The following GMDS variants were observed in gnomAD, a reference collection of about 807,000 sequenced individuals.
The protein encoded by GMDS is GDP-mannose 4,6 dehydratase.
GMDS carries 20 observed loss-of-function variants against 49.9 expected under a neutral mutation model. The ratio of observed to expected loss-of-function variants is 0.40; its 90% CI spans 0.28 to 0.58. The LOEUF is 0.58. Ranked by LOEUF, GMDS falls within the 20% of genes least tolerant of loss-of-function variation. The pLI is 0.42. For synonymous variants in GMDS, 177 were observed against 178.6 expected (o/e 0.99, Z 0.07); for missense variants, 362 against 481.4 (o/e 0.75, Z 2.32).
At chr6:1,950,838 A>G (rs922104266) in intron 6 of GMDS, among the ~76,000 whole-genome samples, 5 of 152,040 alleles carry the variant, frequency 3.3e-5, no homozygotes, top group African/African-American at 9.7e-5. Flanking sequence ...ACCATGAACC[A>G]TCTGGACAGG....
At chr6:2,238,314 T>C (rs1781462556) in intron 1 of GMDS, among the ~76,000 whole-genome samples, 1 of 151,904 alleles carries the variant, frequency 6.6e-6, no homozygotes, top group African/African-American at 2.4e-5. Flanking sequence ...GCCCAGGAGT[T>C]CAAAGCTGCA....
chr6:2,086,080 C>T (rs1199153403), intron 4 of GMDS, among the ~76,000 whole-genome samples: 1 of 152,214 alleles, frequency 6.6e-6, no homozygotes, highest in Non-Finnish European at 1.5e-5. Context: ...GTTGCTCTCA[C>T]TCACTGGTTT....
chr6:1,899,401 C>G (rs1472756785), intron 7 of GMDS, among the ~76,000 whole-genome samples: 1 of 152,012 alleles, frequency 6.6e-6, no homozygotes, highest in Non-Finnish European at 1.5e-5. Context: ...CCCCACGCGT[C>G]CTGGCTAAGG....
chr6:1,913,647 G>A (rs1761197906), intron 7 of GMDS, among the ~76,000 whole-genome samples: 1 of 152,174 alleles, frequency 6.6e-6, no homozygotes, highest in African/African-American at 2.4e-5. Flanking sequence ...AGACTTGAAA[G>A]AAGCCCATAG....
intron 6 of GMDS, among the ~76,000 whole-genome samples, chr6:1,946,656 A>G (rs1472446652): frequency 6.6e-6 from 1 of 152,210 alleles, no homozygotes; most frequent in Non-Finnish European, 1.5e-5. Context: ...AGCCAAAGAA[A>G]GGGGGATATG....
intron 9 of GMDS, among the ~76,000 whole-genome samples, chr6:1,660,564 GA>G (rs1473440772): frequency 2.6e-5 from 4 of 151,066 alleles, no homozygotes; most frequent in African/African-American, 9.8e-5. Context: ...AGGAGAAAAT[GA>G]AAACATGTGT....
At chr6:1,771,145 T>G (rs1768562876) in intron 7 of GMDS, among the ~76,000 whole-genome samples, 2 of 152,232 alleles carry the variant, frequency 1.3e-5, no homozygotes, top group African/African-American at 2.4e-5. Context: ...AATATTCTTT[T>G]GGAGTGAAGC....
intron 7 of GMDS, among the ~76,000 whole-genome samples, chr6:1,878,058 C>A (rs140285551): frequency 0.01 from 1,529 of 152,160 alleles, 10 homozygotes; most frequent in Non-Finnish European, 0.017. Flanking sequence ...TCACGCCTGT[C>A]ATCCCAGCAC....
rs148265998 is a variant in GMDS, at chr6:1,667,817, G to GAA, written c.988-43279_988-43278dup. On this transcript the variant is annotated intron_variant, in intron 9 of 10. Transcript: ENST00000380815. ...GTGGCCATTCCAATTTTTTTTAAATGAAAAAAAATGTGCCCCACTTATCAG... is the reference window on the plus strand; with the variant it reads ...GTGGCCATTCCAATTTTTTTTAAATGAAAAAAAAAATGTGCCCCACTTATCAG... Among the ~76,000 whole-genome samples the GAA allele has an allele frequency of 3.1e-4, 46 of 149,558 alleles. No homozygotes were observed. The East Asian group carries it at 4.1e-3, about 13-fold the overall frequency.
Position 1,891,959 on chromosome 6 carries a change from T to TAA in GMDS, c.771+38143_771+38144insTT, listed in dbSNP as rs564469415. ...CCATCGACTGTAAACATTCAGTAGT[T>TAA]ACGCCATATAAATTGTTAGGATCCA... On this transcript the variant is annotated intron_variant, in intron 7 of 10. Transcript: ENST00000380815. 4.2e-3 allele frequency among the ~76,000 whole-genome samples: 646 copies of TAA among 152,336 alleles called. 1 individual carries two copies. Among genetic ancestry groups the TAA allele is most frequent in the Non-Finnish European group, 5.9e-3 (399 of 68,030 alleles).
chr6:2,075,823 G>T (rs887771639), intron 4 of GMDS, among the ~76,000 whole-genome samples: 1 of 152,148 alleles, frequency 6.6e-6, no homozygotes, highest in African/African-American at 2.4e-5. Context: ...ATCCCTGAGG[G>T]ATCGCCACAC....
chr6:2,153,657 T>A (rs891784371), intron 1 of GMDS, among the ~76,000 whole-genome samples: 5 of 152,280 alleles, frequency 3.3e-5, no homozygotes, highest in African/African-American at 1.2e-4. Flanking sequence ...ATTGTTCACC[T>A]ATTGAACTGA....
At chr6:1,691,356 C>CG (rs1278096522) in intron 9 of GMDS, among the ~76,000 whole-genome samples, 2 of 144,378 alleles carry the variant, frequency 1.4e-5, no homozygotes, top group African/African-American at 2.5e-5. Flanking sequence ...GGGCCTGTTG[C>CG]GGGGGGTGTG....
intron 7 of GMDS, among the ~76,000 whole-genome samples, chr6:1,899,851 C>A (rs980884784): frequency 6.6e-6 from 1 of 150,518 alleles, no homozygotes; most frequent in Non-Finnish European, 1.5e-5. Flanking sequence ...CATCTGCCTA[C>A]ACACTAAAGA....
In GMDS at chr6:1,906,235, T is replaced by G. The variant is rs569393426; in HGVS notation, c.771+23868A>C. On this transcript the variant is annotated intron_variant, in intron 7 of 10. Coordinates refer to ENST00000380815, the MANE Select transcript of GMDS (RefSeq NM_001500.4). Reference sequence around the variant, plus strand: ...ATATAAGCCATCCTACATATGCATATAAGCCATTCTGTGGGTGGTCAGTTC... The same window carrying G: ...ATATAAGCCATCCTACATATGCATAGAAGCCATTCTGTGGGTGGTCAGTTC... 2.6e-5 allele frequency among the ~76,000 whole-genome samples: 4 copies of G among 152,274 alleles called. No homozygotes were observed. The South Asian group carries it at 8.3e-4, about 32-fold the overall frequency.
chr6:1,860,545 T>C (rs1341067345), intron 7 of GMDS, among the ~76,000 whole-genome samples: 1 of 152,170 alleles, frequency 6.6e-6, no homozygotes, highest in Non-Finnish European at 1.5e-5. Context: ...ATGATGGTGG[T>C]AGTTACAGGC....
chr6:2,084,664 G>A (rs1258977490), intron 4 of GMDS, among the ~76,000 whole-genome samples: 3 of 151,854 alleles, frequency 2.0e-5, no homozygotes, highest in Admixed American at 6.6e-5. Flanking sequence ...CCGCCACCAC[G>A]CCCGGCTAAT....
chr6:1,645,883 CTG>C (rs1286577748), intron 9 of GMDS, among the ~76,000 whole-genome samples: 1 of 152,240 alleles, frequency 6.6e-6, no homozygotes, highest in Admixed American at 6.5e-5. Flanking sequence ...TGTTAACAAT[CTG>C]TGGTTATTTT....
At chr6:1,814,189 G>A (rs549569844) in intron 7 of GMDS, among the ~76,000 whole-genome samples, 20 of 152,278 alleles carry the variant, frequency 1.3e-4, no homozygotes, top group Admixed American at 7.8e-4. Context: ...GCTACAAGAA[G>A]GTTTTTAGTT....
Sources: gnomAD v4.1 joint callset for allele counts (sites outside exome capture counted in the v4.1 genomes callset) on GRCh38, gnomAD v4.1.1 for gene constraint, MANE v1.5 for transcripts, NCBI Gene and HGNC (gene_info 2026-07-23, HGNC 2026-07-21) for gene names.